Variants in ADAMTSL1 observed in about 807,000 individuals in gnomAD.
ADAMTSL1 encodes the protein ADAMTS-like protein 1.
In ADAMTSL1, 126 loss-of-function variants were observed where a neutral mutation model predicts 201.8. The observed-to-expected ratio is 0.62, with a 90% CI of 0.54 to 0.72. The LOEUF (loss-of-function observed/expected upper bound fraction) is 0.72. Ranked by LOEUF, ADAMTSL1 falls within the 30% of genes least tolerant of loss-of-function variation. ADAMTSL1 has a pLI of 0.00. For synonymous variants in ADAMTSL1, 1,121 were observed against 903.4 expected (o/e 1.24, Z -4.32); for missense variants, 2,679 against 2,277.8 (o/e 1.18, Z -3.59).
intron 2 of ADAMTSL1, among the ~76,000 whole-genome samples, chr9:18,269,839 T>C (rs1832284499): frequency 9.7e-6 from 1 of 103,380 alleles, no homozygotes; most frequent in South Asian, 3.9e-4. Flanking sequence ...TTGTTTCCTC[T>C]TCATCCTTTT....
chr9:18,176,583 T>A (rs1187042543), intron 2 of ADAMTSL1, among the ~76,000 whole-genome samples: 1 of 152,090 alleles, frequency 6.6e-6, no homozygotes, highest in Non-Finnish European at 1.5e-5. Flanking sequence ...TGAAAAGCAG[T>A]TTTTCCAGGG....
At chr9:18,714,960 A>G (rs571180600) in intron 14 of ADAMTSL1, among the ~76,000 whole-genome samples, 3,557 of 141,484 alleles carry the variant, frequency 0.025, 48 homozygotes, top group African/African-American at 0.046. Flanking sequence ...AAATCAATAA[A>G]TGTAATCCAG....
chr9:18,180,670 T>C (rs1828424962), intron 2 of ADAMTSL1, among the ~76,000 whole-genome samples: 1 of 152,124 alleles, frequency 6.6e-6, no homozygotes, highest in South Asian at 2.1e-4. Flanking sequence ...TCCATGCTCA[T>C]GGGTAGGAAG....
chr9:17,979,920 C>T (rs541094962), intron 1 of ADAMTSL1, among the ~76,000 whole-genome samples: 80 of 152,028 alleles, frequency 5.3e-4, no homozygotes, highest in Non-Finnish European at 2.6e-4. Flanking sequence ...TGCTTGGGTC[C>T]AGAAGGACAG....
At chr9:18,877,610 C>G (rs563531495) in intron 23 of ADAMTSL1, among the ~76,000 whole-genome samples, 85 of 152,148 alleles carry the variant, frequency 5.6e-4, no homozygotes, top group Non-Finnish European at 1.1e-3. Context: ...CCATGAATAC[C>G]AGTACCTGCT....
chr9:18,163,656 G>A (rs117092840), intron 1 of ADAMTSL1, among the ~76,000 whole-genome samples: 2,551 of 152,104 alleles, frequency 0.017, 47 homozygotes, highest in South Asian at 0.024. Context: ...CACCAATTTA[G>A]CAGGGGATGT....
At chr9:18,395,968 G>A (rs1228332878) in intron 2 of ADAMTSL1, among the ~76,000 whole-genome samples, 2 of 152,098 alleles carry the variant, frequency 1.3e-5, no homozygotes, top group African/African-American at 4.8e-5. Flanking sequence ...CTCCCTTTTA[G>A]TCTGGCCTTT....
intron 1 of ADAMTSL1, among the ~76,000 whole-genome samples, chr9:17,993,206 T>C (rs1819233678): frequency 6.6e-6 from 1 of 152,128 alleles, no homozygotes; most frequent in South Asian, 2.1e-4. Flanking sequence ...TTGTAAGAAT[T>C]ATGAAATCAT....
chr9:18,235,221 G>C (rs999381200), intron 2 of ADAMTSL1, among the ~76,000 whole-genome samples: 3 of 152,072 alleles, frequency 2.0e-5, no homozygotes, highest in African/African-American at 7.2e-5. Flanking sequence ...TAACGATTTG[G>C]GAAAATATTA....
chr9:18,723,429 C>T (rs1817669517), intron 15 of ADAMTSL1: 1 of 309,114 alleles, frequency 3.2e-6, no homozygotes, highest in Non-Finnish European at 6.1e-6. Flanking sequence ...GACTCGTGGT[C>T]CCTAAACCCT....
At chr9:18,649,491 G>C (rs894742691) in intron 7 of ADAMTSL1, among the ~76,000 whole-genome samples, 5 of 152,092 alleles carry the variant, frequency 3.3e-5, no homozygotes, top group African/African-American at 1.2e-4. Context: ...CAGTTTTTCT[G>C]CTCTGTTTTC....
At chr9:18,336,127 T>G (rs1380853232) in intron 2 of ADAMTSL1, among the ~76,000 whole-genome samples, 2 of 152,150 alleles carry the variant, frequency 1.3e-5, no homozygotes, top group African/African-American at 4.8e-5. Flanking sequence ...CTTATGCCAT[T>G]GAGTTTACAT....
At chr9:18,680,067 G>C (rs979059330) in intron 10 of ADAMTSL1, among the ~76,000 whole-genome samples, 5 of 152,198 alleles carry the variant, frequency 3.3e-5, no homozygotes, top group African/African-American at 1.2e-4. Context: ...TTTGTGGACA[G>C]CTCTCAAAAC....
At chr9:18,182,077 G>C (rs1346595037) in intron 2 of ADAMTSL1, among the ~76,000 whole-genome samples, 7 of 148,322 alleles carry the variant, frequency 4.7e-5, no homozygotes, top group Admixed American at 3.4e-4. Context: ...TCATAGGTGG[G>C]AATTGAGCTA....
At chr9:18,036,287 TC>T (rs561637348) in intron 1 of ADAMTSL1, among the ~76,000 whole-genome samples, 41 of 152,298 alleles carry the variant, frequency 2.7e-4, no homozygotes, top group Admixed American at 2.4e-3. Context: ...GAGAGGCCTT[TC>T]TAACTCCTTC....
At chr9:18,197,738 G>C (rs1829246043) in intron 2 of ADAMTSL1, among the ~76,000 whole-genome samples, 1 of 151,630 alleles carries the variant, frequency 6.6e-6, no homozygotes, top group African/African-American at 2.4e-5. Flanking sequence ...TGGTGAGAGA[G>C]GGCATCCCTG....
intron 2 of ADAMTSL1, among the ~76,000 whole-genome samples, chr9:18,355,425 G>T (rs1836176240): frequency 1.3e-5 from 2 of 152,114 alleles, no homozygotes; most frequent in Non-Finnish European, 2.9e-5. Flanking sequence ...TCAAAGATTG[G>T]AGGTGATATT....
chr9:18,625,978 G>T (rs1826335004), intron 5 of ADAMTSL1, among the ~76,000 whole-genome samples: 1 of 152,206 alleles, frequency 6.6e-6, no homozygotes, highest in Admixed American at 6.5e-5. Context: ...CTAGCTCAAA[G>T]ATTTTGAGGT....
At chr9:18,416,970 C>T (rs547070405) in intron 2 of ADAMTSL1, among the ~76,000 whole-genome samples, 1 of 152,120 alleles carries the variant, frequency 6.6e-6, no homozygotes, top group Non-Finnish European at 1.5e-5. Flanking sequence ...AATACACATT[C>T]TTTTCAAGTG....
Sources: allele counts gnomAD v4.1 joint callset (sites outside exome capture counted in the v4.1 genomes callset), GRCh38; gene constraint gnomAD v4.1.1; transcripts MANE v1.5; gene names NCBI Gene and HGNC (gene_info 2026-07-23, HGNC 2026-07-21).